Variants in ADCY9 observed in about 807,000 individuals in gnomAD.
ADCY9 encodes the protein adenylate cyclase type 9.
ADCY9 carries 50 observed loss-of-function variants against 101.5 expected under a neutral mutation model. That is an observed-to-expected ratio of 0.49 (90% confidence interval 0.39 to 0.62). The LOEUF is 0.62. ADCY9 is among the 20% of genes least tolerant of loss of function. The pLI is 0.00. For synonymous variants in ADCY9, 905 were observed against 769.3 expected (o/e 1.18, Z -2.92); for missense variants, 1,662 against 1,800.4 (o/e 0.92, Z 1.39).
At chr16:4,098,625 C>T (rs2057023575) in intron 2 of ADCY9, among the ~76,000 whole-genome samples, 1 of 152,158 alleles carries the variant, frequency 6.6e-6, no homozygotes. Flanking sequence ...ACTAGGAACA[C>T]AGCAGGAAGT....
rs2057143504 is a variant in ADCY9 at position 4,115,343 on chromosome 16, G to A, written c.100C>T (p.Pro34Ser). Residue 34 changes from proline (P) to serine (S), a missense_variant, in exon 2 of 11, where the codon CCC (proline) becomes TCC (serine). Coordinates refer to ENST00000294016, the MANE Select transcript of ADCY9 (RefSeq NM_001116.4). The surrounding 1 kb of genome is among the most constrained non-coding windows in gnomAD (Gnocchi z 6.2). The part of the protein sequence containing the change: ...DSNSVRVKIN[P>S]KQLSSNSHPK... The stretch of plus-strand genomic sequence containing the variant: ...TGGCTGTTGGAGGACAGCTGCTTGG[G>A]GTTGATCTTGACGCGCACGCTGTTG... The A allele has an allele frequency of 2.5e-6, 4 of 1,613,080 alleles. No homozygotes were observed. The Admixed American group carries it at 6.7e-5, about 27-fold the overall frequency.
At chr16:4,035,798 G>A (rs1290530311) in intron 2 of ADCY9, among the ~76,000 whole-genome samples, 1 of 151,896 alleles carries the variant, frequency 6.6e-6, no homozygotes, top group South Asian at 2.1e-4. Context: ...CGGGAGTTTT[G>A]AGACCAGCCT....
rs71394639 is a variant in ADCY9 at position 4,014,325 on chromosome 16, G to GA, written c.1694-6768dup. Among the ~76,000 whole-genome samples the GA allele has an allele frequency of 6.9e-3, 473 of 69,008 alleles. 3 individuals are homozygous for GA. Among genetic ancestry groups the GA allele is most frequent in the African/African-American group, 0.013 (219 of 17,378 alleles). 45.3% of individuals were successfully genotyped at this position (69,008 alleles called of 152,430 possible). On this transcript the variant is annotated intron_variant, in intron 2 of 10. Coordinates refer to ENST00000294016, the MANE Select transcript of ADCY9 (RefSeq NM_001116.4). ...CAGAGTGAGACTTTGTCTCAAAAAA[G>GA]AAAAAAAAAAAAAAAGAAGTCCCAA...
At chr16:4,101,557 A>C (rs1375266688) in intron 2 of ADCY9, among the ~76,000 whole-genome samples, 1 of 152,120 alleles carries the variant, frequency 6.6e-6, no homozygotes, top group Non-Finnish European at 1.5e-5. Context: ...GGGATTATAG[A>C]CATGACCACT....
At position 4,113,936 on chromosome 16, in the gene ADCY9, T is replaced by C. The variant is rs200124999; in HGVS notation, c.1507A>G (p.Arg503Gly). 29 of 1,614,066 alleles carry C rather than the reference T, an allele frequency of 1.8e-5. No individual in the cohort carries two copies. Among genetic ancestry groups the C allele is most frequent in the Non-Finnish European group, 2.5e-5 (29 of 1,180,030 alleles). The part of the protein sequence containing the change: ...GTVLCGILGM[R>G]RFKFDVWSND... ...GACCACACGTCAAATTTAAACCTCC[T>C]CATGCCCAGGATGCCGCAAAGGACG... Residue 503 changes from arginine (R) to glycine (G), a missense_variant, in exon 2 of 11, where the codon AGG becomes GGG. Coordinates refer to ENST00000294016, the MANE Select transcript of ADCY9 (RefSeq NM_001116.4).
At chr16:4,001,472 G>T (rs1411139202) in intron 3 of ADCY9, among the ~76,000 whole-genome samples, 1 of 152,156 alleles carries the variant, frequency 6.6e-6, no homozygotes, top group African/African-American at 2.4e-5. Context: ...CAGTGAGCAG[G>T]GAGGCTCACC....
At chr16:4,084,516 A>T (rs1233486047) in intron 2 of ADCY9, among the ~76,000 whole-genome samples, 1 of 151,952 alleles carries the variant, frequency 6.6e-6, no homozygotes, top group East Asian at 1.9e-4. Flanking sequence ...GCTTGAGGCC[A>T]GGAGATTGAA....
At chr16:3,987,459 C>A (rs76292194) in intron 6 of ADCY9, among the ~76,000 whole-genome samples, 1 of 152,234 alleles carries the variant, frequency 6.6e-6, no homozygotes, top group Admixed American at 6.5e-5. Context: ...GGGACCACAG[C>A]CACCTGTTCA....
chr16:4,098,929 T>C (rs2057025618), intron 2 of ADCY9, among the ~76,000 whole-genome samples: 1 of 151,978 alleles, frequency 6.6e-6, no homozygotes, highest in African/African-American at 2.4e-5. Context: ...TTTTGTTTTG[T>C]TTTGCTTTGT....
chr16:4,036,264 CA>C (rs2056588685), intron 2 of ADCY9, among the ~76,000 whole-genome samples: 1 of 152,028 alleles, frequency 6.6e-6, no homozygotes, highest in Non-Finnish European at 1.5e-5. Context: ...AACTCACACA[CA>C]CACCACGTCC....
Position 3,966,298 on chromosome 16 carries a change from G to A in ADCY9, c.3539C>T (p.Thr1180Ile). ...GPLTAGVIGT[T>I]KLLYDIWGDT... ...TCCCCAGATGTCGTACAGCAGCTTG[G>A]TGGTGCCGATGACCCCGGCCGTGAG... The change falls in exon 11 of 11, where the codon ACC becomes ATC. Residue 1180 changes from threonine to isoleucine, a missense_variant. By Grantham distance (89) the Thr-to-Ile change is moderately conservative. Coordinates refer to ENST00000294016, the MANE Select transcript of ADCY9 (RefSeq NM_001116.4). The A allele has an allele frequency of 1.2e-6, 2 of 1,614,164 alleles. No individual in the cohort carries two copies. The highest frequency in any genetic ancestry group is 1.7e-6 in the Non-Finnish European group (2 of 1,180,044).
chr16:4,049,804 A>G (rs2056689074), intron 2 of ADCY9, among the ~76,000 whole-genome samples: 1 of 152,176 alleles, frequency 6.6e-6, no homozygotes, highest in Admixed American at 6.6e-5. Flanking sequence ...TTTTCTGTTT[A>G]GGCTACTGCT....
chr16:4,115,650 C>T lies in ADCY9; in HGVS notation c.-44+40G>A, dbSNP rs2057146383. 2 of 617,666 alleles carry T rather than the reference C, an allele frequency of 3.2e-6. No individual in the cohort carries two copies. The highest frequency in any genetic ancestry group is 3.2e-5 in the Admixed American group (1 of 31,446). The allele number at this position is 617,666 out of a possible 1,614,324, so 38.3% of individuals were successfully genotyped here. On this transcript the variant is annotated intron_variant, in intron 1 of 10. Transcript: ENST00000294016. This position sits in a 1 kb window ranked among gnomAD's most constrained non-coding sequence, Gnocchi z 6.2. ...AGCGGTGCTCCCACCGCCCCCACCG[C>T]CCCCACCTTCGAGGCGCACGAGAAC...
At chr16:4,061,932 T>A (rs1412975621) in intron 2 of ADCY9, among the ~76,000 whole-genome samples, 2 of 152,192 alleles carry the variant, frequency 1.3e-5, no homozygotes, top group South Asian at 4.1e-4. Context: ...ATCATATACA[T>A]GACATAATAC....
At chr16:4,032,504 T>A (rs1161863933) in intron 2 of ADCY9, among the ~76,000 whole-genome samples, 1 of 135,564 alleles carries the variant, frequency 7.4e-6, no homozygotes, top group African/African-American at 2.6e-5. Context: ...TCCATCTATA[T>A]CACACAATTT....
At chr16:3,954,227 G>T (rs562612065) in intron 5 of ADCY9, among the ~76,000 whole-genome samples, 390 of 152,340 alleles carry the variant, frequency 2.6e-3, no homozygotes, top group Non-Finnish European at 4.5e-3. Flanking sequence ...GGCAGGCTGG[G>T]AGCTGAGCTT....
Position 4,114,350 on chromosome 16 carries a change from T to G in ADCY9, c.1093A>C (p.Ser365Arg). Reference protein sequence around the residue: ...ENSVKRHATSSPKNRKKKSSI... With the variant: ...ENSVKRHATSRPKNRKKKSSI... ...GACTTTTTCTTCCTGTTCTTGGGGC[T>G]CGAGGTGGCATGCCTCTTGACAGAA... The change falls in exon 2 of 11, where the codon AGC (serine) becomes CGC (arginine). Residue 365 changes from serine to arginine, a missense_variant. Physicochemically the swap from Ser to Arg is moderately radical, Grantham distance 110. Around this residue, in one of 5 missense-constraint regions of ADCY9, gnomAD observed 228 missense variants for 301.1 expected, o/e 0.76. Coordinates refer to ENST00000294016, the MANE Select transcript of ADCY9 (RefSeq NM_001116.4). This position sits in a 1 kb window ranked among gnomAD's most constrained non-coding sequence, Gnocchi z 4.3. 6.2e-7 allele frequency: 1 copy of G among 1,614,036 alleles called. No individual in the cohort carries two copies. The highest frequency in any genetic ancestry group is 8.5e-7 in the Non-Finnish European group (1 of 1,180,038).
rs190894130 is a variant in ADCY9 at position 4,089,615 on chromosome 16, G to A, written c.1693+24135C>T. Among the ~76,000 whole-genome samples, 141 of 152,092 alleles carry A rather than the reference G, an allele frequency of 9.3e-4. 1 individual carries two copies. Among genetic ancestry groups the A allele is most frequent in the African/African-American group, 3.1e-3 (128 of 41,528 alleles). ...CAGGAGTGGCATGGCTGGGCCCTACGGTAGCTCCGTGCTTAACCTTTTGGG... is the reference window on the plus strand; with the variant it reads ...CAGGAGTGGCATGGCTGGGCCCTACAGTAGCTCCGTGCTTAACCTTTTGGG... On this transcript the variant is annotated intron_variant, in intron 2 of 10. Coordinates refer to ENST00000294016, the MANE Select transcript of ADCY9 (RefSeq NM_001116.4).
At chr16:4,059,194 T>A (rs1379639264) in intron 2 of ADCY9, among the ~76,000 whole-genome samples, 2 of 151,894 alleles carry the variant, frequency 1.3e-5, no homozygotes, top group Non-Finnish European at 2.9e-5. Context: ...GAGACCAGCC[T>A]GGCCAACATG....
Sources: gnomAD v4.1 joint callset for allele counts (sites outside exome capture counted in the v4.1 genomes callset) on GRCh38, gnomAD v4.1.1 for gene constraint, gnomAD v4.1.1 regional missense constraint, Gnocchi (gnomAD v3.1) non-coding constraint, MANE v1.5 for transcripts, NCBI Gene and HGNC (gene_info 2026-07-23, HGNC 2026-07-21) for gene names.